PPFIBP1: variants seen among roughly 807,000 people sequenced by gnomAD.
The protein encoded by PPFIBP1 is liprin-beta-1.
In PPFIBP1, 112 loss-of-function variants were observed where a neutral mutation model predicts 137.8. That is an observed-to-expected ratio of 0.81 (90% CI 0.70 to 0.95). The LOEUF is 0.95. Among genes scored for constraint, PPFIBP1 ranks in the 40% least tolerant of loss-of-function variants. The pLI is 0.00. For missense variants in PPFIBP1, 1,083 were observed against 1,196.6 expected (o/e 0.91, Z 1.40); for synonymous variants, 378 against 417.3 (o/e 0.91, Z 1.15).
intron 5 of PPFIBP1, among the ~76,000 whole-genome samples, chr12:27,646,688 C>T (rs952911482): frequency 6.6e-5 from 10 of 151,802 alleles, no homozygotes; most frequent in African/African-American, 2.4e-4. Flanking sequence ...AAAATGTTAC[C>T]CTGTGTGAGA....
At chr12:27,628,458 T>C (rs1482145557) in intron 2 of PPFIBP1, among the ~76,000 whole-genome samples, 5 of 152,182 alleles carry the variant, frequency 3.3e-5, no homozygotes, top group Non-Finnish European at 7.4e-5. Context: ...GGATTACAGG[T>C]GTGAGTCACT....
At chr12:27,651,047 A>C (rs2058846203) in intron 7 of PPFIBP1, among the ~76,000 whole-genome samples, 1 of 152,112 alleles carries the variant, frequency 6.6e-6, no homozygotes, top group African/African-American at 2.4e-5. Flanking sequence ...TTCTGTTTTT[A>C]TTTCAATCAT....
chr12:27,682,450 T>A lies in PPFIBP1; in HGVS notation c.2110T>A (p.Ser704Thr). 6.2e-7 allele frequency: 1 copy of A among 1,614,134 alleles called. No individual in the cohort carries two copies. The highest frequency in any genetic ancestry group is 8.5e-7 in the Non-Finnish European group (1 of 1,179,982). Reference sequence around the variant, plus strand: ...CCAGCTAGCACTCCAAGCCCTGGGATCTGAAGAAGAAACCAATCATGGGAA... The same window carrying A: ...CCAGCTAGCACTCCAAGCCCTGGGAACTGAAGAAGAAACCAATCATGGGAA... The part of the protein sequence containing the change: ...KLQLALQALG[S>T]EEETNHGKLD... The change falls in exon 23 of 30, where the codon TCT becomes ACT. Residue 704 changes from serine (S) to threonine (T), a missense_variant. By Grantham distance (58) the Ser-to-Thr change is moderately conservative. Coordinates refer to ENST00000228425, the MANE Select transcript of PPFIBP1 (RefSeq NM_003622.4).
intron 13 of PPFIBP1, among the ~76,000 whole-genome samples, chr12:27,667,941 A>T (rs866982781): frequency 3.9e-5 from 6 of 152,198 alleles, no homozygotes; most frequent in Non-Finnish European, 7.3e-5. Context: ...CAGAAATCAC[A>T]TGGCATCTCT....
At chr12:27,653,586 TA>T (rs11306083) in intron 7 of PPFIBP1, among the ~76,000 whole-genome samples, 75,960 of 102,624 alleles carry the variant, frequency 0.74, 28,827 homozygotes, top group African/African-American at 0.83. Context: ...GACTCCATCT[TA>T]AAAAAAAAAA....
chr12:27,631,261 A>T (rs182321191), intron 2 of PPFIBP1, among the ~76,000 whole-genome samples: 277 of 152,258 alleles, frequency 1.8e-3, no homozygotes, highest in African/African-American at 6.4e-3. Flanking sequence ...ATTGATTTCT[A>T]GGAATTCTAC....
intron 29 of PPFIBP1, 42 bp from the exon 30 acceptor site, chr12:27,692,754 C>G: frequency 6.2e-7 from 1 of 1,613,972 alleles, no homozygotes; most frequent in Non-Finnish European, 8.5e-7. Flanking sequence ...TAGCTCTGAG[C>G]TCTTGGCTCT....
chr12:27,555,228 C>G (rs1427814264), intron 1 of PPFIBP1, among the ~76,000 whole-genome samples: 2 of 152,168 alleles, frequency 1.3e-5, no homozygotes, highest in African/African-American at 4.8e-5. Context: ...GCTAGCACCC[C>G]TGGTTCTTTT....
intron 1 of PPFIBP1, among the ~76,000 whole-genome samples, chr12:27,531,384 C>T (rs936052852): frequency 6.6e-6 from 1 of 152,098 alleles, no homozygotes; most frequent in African/African-American, 2.4e-5. Context: ...CCTCCACCTC[C>T]TGGGTTCAAG....
At chr12:27,691,598 C>T in intron 27 of PPFIBP1, 151 bp from the exon 28 acceptor site, 2 of 532,364 alleles carry the variant, frequency 3.8e-6, no homozygotes. Flanking sequence ...TTTAAACATC[C>T]AGCTACTTTT....
At chr12:27,539,777 C>T (rs1314675426) in intron 1 of PPFIBP1, among the ~76,000 whole-genome samples, 1 of 151,666 alleles carries the variant, frequency 6.6e-6, no homozygotes, top group Non-Finnish European at 1.5e-5. Context: ...ATAGAGAAGA[C>T]ACAGTTAAAA....
At chr12:27,643,207 A>G (rs1348179901) in intron 4 of PPFIBP1, among the ~76,000 whole-genome samples, 2 of 142,320 alleles carry the variant, frequency 1.4e-5, no homozygotes, top group Non-Finnish European at 3.0e-5. Context: ...ATAAAGACCC[A>G]CTGAGAAGCA....
At chr12:27,661,172 ACT>A (rs1352322142) in intron 11 of PPFIBP1, among the ~76,000 whole-genome samples, 3 of 152,002 alleles carry the variant, frequency 2.0e-5, no homozygotes, top group African/African-American at 7.3e-5. Flanking sequence ...AAATGTTCAA[ACT>A]CTCTGATCAG....
chr12:27,591,314 G>A (rs1355060387), intron 2 of PPFIBP1, among the ~76,000 whole-genome samples: 1 of 152,050 alleles, frequency 6.6e-6, no homozygotes, highest in East Asian at 1.9e-4. Flanking sequence ...GTGAACCTGT[G>A]ATTGAATGAG....
chr12:27,681,589 T>C lies in PPFIBP1; in HGVS notation c.1939T>C (p.Cys647Arg). The change falls in exon 22 of 30, where the codon TGC becomes CGC. Residue 647 changes from cysteine (C) to arginine (R), a missense_variant. Coordinates refer to ENST00000228425, the MANE Select transcript of PPFIBP1 (RefSeq NM_003622.4). ...TGCCAAGTGGACCAAGGAGCAGGTT[T>C]GCAATTGGCTGATGGAACAGGGCTT... ...PFAKWTKEQV[C>R]NWLMEQGLGS... The C allele has an allele frequency of 1.9e-6, 3 of 1,614,170 alleles. No homozygotes were observed. The highest frequency in any genetic ancestry group is 2.5e-6 in the Non-Finnish European group (3 of 1,179,994).
chr12:27,613,654 G>C (rs983823993), intron 2 of PPFIBP1, among the ~76,000 whole-genome samples: 1 of 148,474 alleles, frequency 6.7e-6, no homozygotes, highest in African/African-American at 2.5e-5. Context: ...CATGAGCCCA[G>C]ATCTCGCCAC....
At position 27,682,698 on chromosome 12, in the gene PPFIBP1, A is replaced by T; in HGVS notation, c.2242A>T (p.Thr748Ser). 6.2e-7 allele frequency: 1 copy of T among 1,614,158 alleles called. No individual in the cohort carries two copies. The highest frequency in any genetic ancestry group is 8.5e-7 in the Non-Finnish European group (1 of 1,180,012). ...TGATGGTCGAATGCTACATTACATG[A>T]CTGTTGTAAGTGACTCACTCCTGGG... ...RVDGRMLHYM[T>S]VDDLLSLKVV... The change falls in exon 24 of 30, where the codon ACT becomes TCT. Residue 748 changes from threonine to serine, a missense_variant. Thr to Ser is a moderately conservative substitution (Grantham distance 58). Coordinates refer to ENST00000228425, the MANE Select transcript of PPFIBP1 (RefSeq NM_003622.4).
intron 11 of PPFIBP1, among the ~76,000 whole-genome samples, chr12:27,662,308 C>T (rs1172027707): frequency 6.6e-6 from 1 of 152,150 alleles, no homozygotes; most frequent in Non-Finnish European, 1.5e-5. Context: ...GGGCGTGGGG[C>T]TGACCACAGA....
intron 10 of PPFIBP1, among the ~76,000 whole-genome samples, chr12:27,659,219 A>G (rs2059395452): frequency 6.6e-6 from 1 of 152,134 alleles, no homozygotes; most frequent in African/African-American, 2.4e-5. Flanking sequence ...TAATTTTGAA[A>G]TTTGCTTTTG....
Sources: allele counts gnomAD v4.1 joint callset (sites outside exome capture counted in the v4.1 genomes callset), GRCh38; gene constraint gnomAD v4.1.1; transcripts MANE v1.5; gene names NCBI Gene and HGNC (gene_info 2026-07-23, HGNC 2026-07-21).